Variants in MAGI1 observed in about 807,000 individuals in gnomAD.
The protein encoded by MAGI1 is membrane associated guanylate kinase, WW and PDZ domain containing 1.
In MAGI1, 58 loss-of-function variants were observed where a neutral mutation model predicts 139.9. That is an observed-to-expected ratio of 0.41 (90% CI 0.34 to 0.52). The LOEUF (loss-of-function observed/expected upper bound fraction) is 0.52, where lower values mean the gene tolerates loss of function less well. Among genes scored for constraint, MAGI1 ranks in the 20% least tolerant of loss-of-function variants. The probability of loss-of-function intolerance (pLI) is 0.12; values close to 1 mark genes in which losing one functional copy is unlikely to be tolerated. For missense variants in MAGI1, 1,874 were observed against 1,901.6 expected (o/e 0.99, Z 0.27); for synonymous variants, 812 against 737.9 (o/e 1.10, Z -1.63).
chr3:65,569,301 T>C (rs1253408936), intron 2 of MAGI1, among the ~76,000 whole-genome samples: 1 of 152,218 alleles, frequency 6.6e-6, no homozygotes, highest in East Asian at 1.9e-4. Flanking sequence ...AGAACTGTCA[T>C]TTAATGAGTA....
intron 1 of MAGI1, among the ~76,000 whole-genome samples, chr3:65,701,327 A>C (rs1181188527): frequency 6.6e-6 from 1 of 152,144 alleles, no homozygotes; most frequent in African/African-American, 2.4e-5. Flanking sequence ...ATCTTGCCTT[A>C]CTGCAACCTC....
intron 5 of MAGI1, among the ~76,000 whole-genome samples, chr3:65,458,879 C>T (rs574435194): frequency 6.6e-6 from 1 of 152,284 alleles, no homozygotes; most frequent in Non-Finnish European, 1.5e-5. Context: ...TCTTTGCCCA[C>T]TCTCATGTCC....
intron 1 of MAGI1, chr3:65,844,029 A>G: frequency 2.7e-6 from 1 of 375,122 alleles, no homozygotes; most frequent in Non-Finnish European, 5.2e-6. Flanking sequence ...GCCACCAAGT[A>G]TCTAAAAGAT....
chr3:65,533,715 C>T (rs921824631), intron 2 of MAGI1, among the ~76,000 whole-genome samples: 25 of 152,138 alleles, frequency 1.6e-4, no homozygotes, highest in African/African-American at 5.5e-4. Context: ...CAAATATTCC[C>T]CCAATGAGGC....
intron 1 of MAGI1, among the ~76,000 whole-genome samples, chr3:65,790,268 G>C (rs776102973): frequency 6.6e-6 from 1 of 152,116 alleles, no homozygotes; most frequent in South Asian, 2.1e-4. Flanking sequence ...GAAAATAAAA[G>C]ATAAAACGAT....
In MAGI1 at chr3:65,814,836, A is replaced by C. The variant is rs188713904; in HGVS notation, c.314-192748T>G. 2.1e-4 allele frequency among the ~76,000 whole-genome samples: 32 copies of C among 152,352 alleles called. No individual in the cohort carries two copies. In the East Asian group the frequency reaches 5.4e-3, roughly 26 times the overall value. On this transcript the variant is annotated intron_variant, in intron 1 of 22. Transcript: ENST00000402939. The stretch of plus-strand genomic sequence containing the variant: ...TTTGATCATTTTAAAACAAAGACAT[A>C]AAATGGTTCATTTATATAACCAGTT...
intron 18 of MAGI1, among the ~76,000 whole-genome samples, chr3:65,367,021 G>A (rs1941483950): frequency 6.6e-6 from 1 of 152,166 alleles, no homozygotes; most frequent in African/African-American, 2.4e-5. Flanking sequence ...AAGCTGTATA[G>A]CCCATCGCTG....
chr3:65,463,415 C>T (rs987064671), intron 5 of MAGI1, among the ~76,000 whole-genome samples: 1 of 152,120 alleles, frequency 6.6e-6, no homozygotes, highest in Non-Finnish European at 1.5e-5. Flanking sequence ...TATTGATTTG[C>T]ATATGTTGAA....
chr3:65,573,793 A>G (rs1273340284), intron 2 of MAGI1, among the ~76,000 whole-genome samples: 1 of 152,166 alleles, frequency 6.6e-6, no homozygotes, highest in East Asian at 1.9e-4. Context: ...GAAGATGTAA[A>G]ACTTTTATTA....
chr3:66,031,080 C>T (rs1331840002), intron 1 of MAGI1, among the ~76,000 whole-genome samples: 1 of 152,212 alleles, frequency 6.6e-6, no homozygotes, highest in Non-Finnish European at 1.5e-5. Context: ...TCTAGCAATG[C>T]ACCAGTGTGT....
chr3:65,912,070 T>C lies in MAGI1; in HGVS notation c.313+125926A>G, dbSNP rs567575686. On this transcript the variant is annotated intron_variant, in intron 1 of 22. Coordinates refer to ENST00000402939, the MANE Select transcript of MAGI1 (RefSeq NM_001033057.2). ...TAGAACTTGAAAGGGAAAAGGCAGG[T>C]GTGAAAATAATTCTATCTTAGACAT... is the stretch of plus-strand genomic sequence containing the variant. Among the ~76,000 whole-genome samples, 248 of 152,316 alleles carry C rather than the reference T, an allele frequency of 1.6e-3. 1 individual carries two copies. Among genetic ancestry groups the C allele is most frequent in the African/African-American group, 5.6e-3 (232 of 41,564 alleles).
intron 1 of MAGI1, among the ~76,000 whole-genome samples, chr3:65,811,979 C>T (rs1054330039): frequency 9.9e-5 from 15 of 151,170 alleles, no homozygotes; most frequent in African/African-American, 3.4e-4. Context: ...AGCGTGCACT[C>T]GCAGCTATAA....
intron 14 of MAGI1, 115 bp downstream of exon 14, chr3:65,391,027 G>T: frequency 1.1e-6 from 1 of 874,650 alleles, no homozygotes; most frequent in Non-Finnish European, 1.8e-6. Flanking sequence ...GCATCTTGCG[G>T]ATTTCACTTT....
chr3:66,038,274 G>C lies in MAGI1; in HGVS notation c.35C>G (p.Thr12Ser), dbSNP rs760428342. Residue 12 changes from threonine to serine, a missense_variant, in exon 1 of 23, where the codon ACT (threonine) becomes AGT (serine). Physicochemically the swap from Thr to Ser is moderately conservative, Grantham distance 58. Around this residue, in one of 5 missense-constraint regions of MAGI1, gnomAD observed 648 missense variants for 598.1 expected, o/e 1.08. Transcript: ENST00000402939. Reference protein sequence around the residue: ...SKVIQKKNHWTSRVHECTVKR... With the variant: ...SKVIQKKNHWSSRVHECTVKR... ...CACGGTGCATTCGTGAACCCTGCTA[G>C]TCCAGTGGTTCTTCTTCTGGATCAC... is the stretch of plus-strand genomic sequence containing the variant. 6 of 1,600,832 alleles carry C rather than the reference G, an allele frequency of 3.7e-6. No homozygotes were observed. Among genetic ancestry groups the C allele is most frequent in the Non-Finnish European group, 5.1e-6 (6 of 1,173,102 alleles).
At chr3:65,772,451 T>C (rs1463818224) in intron 1 of MAGI1, among the ~76,000 whole-genome samples, 1 of 152,156 alleles carries the variant, frequency 6.6e-6, no homozygotes, top group African/African-American at 2.4e-5. Flanking sequence ...GGACCTGGGA[T>C]GGCCAATCAC....
intron 4 of MAGI1, among the ~76,000 whole-genome samples, chr3:65,476,728 A>G (rs1575917935): frequency 6.6e-6 from 1 of 152,224 alleles, no homozygotes; most frequent in South Asian, 2.1e-4. Context: ...GGTTTAGGTT[A>G]TACCATGATT....
intron 2 of MAGI1, among the ~76,000 whole-genome samples, chr3:65,561,520 G>T (rs1159403136): frequency 6.6e-6 from 1 of 152,096 alleles, no homozygotes; most frequent in East Asian, 1.9e-4. Flanking sequence ...ACAAGCTTAG[G>T]GGGTCTATGA....
chr3:65,560,944 G>C (rs534732104), intron 2 of MAGI1, among the ~76,000 whole-genome samples: 2 of 152,164 alleles, frequency 1.3e-5, no homozygotes, highest in Non-Finnish European at 2.9e-5. Context: ...TTTAAAAATG[G>C]TTACGCCAGT....
intron 2 of MAGI1, among the ~76,000 whole-genome samples, chr3:65,537,115 G>A (rs992158683): frequency 2.0e-5 from 3 of 152,148 alleles, no homozygotes; most frequent in East Asian, 1.9e-4. Flanking sequence ...AACCTACGCT[G>A]TCTAACCTCC....
Sources: gnomAD v4.1 joint callset for allele counts (sites outside exome capture counted in the v4.1 genomes callset) on GRCh38, gnomAD v4.1.1 for gene constraint, gnomAD v4.1.1 regional missense constraint, MANE v1.5 for transcripts, NCBI Gene and HGNC (gene_info 2026-07-23, HGNC 2026-07-21) for gene names.